Variants in TMEM50A observed in about 807,000 individuals in gnomAD.
The protein encoded by TMEM50A is cervical cancer oncogene 9.
TMEM50A carries 8 observed loss-of-function variants against 23.9 expected under a neutral mutation model. That is an observed-to-expected ratio of 0.33 (90% CI 0.20 to 0.60). The LOEUF (loss-of-function observed/expected upper bound fraction) is 0.60, where lower values mean the gene tolerates loss of function less well. Ranked by LOEUF, TMEM50A falls within the 20% of genes least tolerant of loss-of-function variation. The pLI is 0.81. For missense variants in TMEM50A, 178 were observed against 192.7 expected (o/e 0.92, Z 0.45); for synonymous variants, 55 against 60.4 (o/e 0.91, Z 0.41).
In TMEM50A at chr1:25,352,887, C is replaced by T; in HGVS notation, c.280C>T (p.Arg94Cys). Reference sequence around the variant, plus strand: ...AAAATATTATTTCTTTGAAGGTGCTCGCATTTGGCTTTTCGTTGGTTTCAT... The same window carrying T: ...AAAATATTATTTCTTTGAAGGTGCTTGCATTTGGCTTTTCGTTGGTTTCAT... Reference protein sequence around the residue: ...SEGCLGQTGARIWLFVGFMLA... With the variant: ...SEGCLGQTGACIWLFVGFMLA... Residue 94 changes from arginine to cysteine, a missense_variant, in exon 5 of 7, where the codon CGC (arginine) becomes TGC (cysteine). Physicochemically the swap from Arg to Cys is radical, Grantham distance 180. Coordinates refer to ENST00000374358, the MANE Select transcript of TMEM50A (RefSeq NM_014313.4). 6.2e-7 allele frequency: 1 copy of T among 1,612,432 alleles called. No individual in the cohort carries two copies. The highest frequency in any genetic ancestry group is 2.2e-5 in the East Asian group (1 of 44,784).
At chr1:25,349,981 A>G (rs1645259836) in intron 3 of TMEM50A, among the ~76,000 whole-genome samples, 1 of 152,254 alleles carries the variant, frequency 6.6e-6, no homozygotes, top group South Asian at 2.1e-4. Flanking sequence ...GAATGTTTCA[A>G]AGGATACTTC....
chr1:25,346,883 G>T (rs1645224102), intron 3 of TMEM50A, among the ~76,000 whole-genome samples: 1 of 152,058 alleles, frequency 6.6e-6, no homozygotes, highest in Admixed American at 6.6e-5. Context: ...AGCCGGGCAT[G>T]GTGGTGCATG....
At chr1:25,358,008 C>T (rs555854360) in intron 6 of TMEM50A, among the ~76,000 whole-genome samples, 8 of 144,712 alleles carry the variant, frequency 5.5e-5, no homozygotes, top group African/African-American at 1.1e-4. Context: ...AATGCAGTGG[C>T]GTGATCTTGG....
chr1:25,360,683 G>T lies in TMEM50A; in HGVS notation c.452G>T (p.Arg151Leu). 1.9e-6 allele frequency: 3 copies of T among 1,614,000 alleles called. No homozygotes were observed. In the East Asian group the frequency reaches 6.7e-5, roughly 36 times the overall value. ...FFGGLVFKFG[R>L]TEDLWQ Reference sequence around the variant, plus strand: ...AGAGGGCTGGTTTTTAAGTTTGGCCGCACTGAAGACTTATGGCAGTGAACA... The same window carrying T: ...AGAGGGCTGGTTTTTAAGTTTGGCCTCACTGAAGACTTATGGCAGTGAACA... Residue 151 changes from arginine to leucine, a missense_variant, in exon 7 of 7, where the codon CGC becomes CTC. By Grantham distance (102) the Arg-to-Leu change is moderately radical. Coordinates refer to ENST00000374358, the MANE Select transcript of TMEM50A (RefSeq NM_014313.4).
intron 5 of TMEM50A, 57 bp from the exon 6 acceptor site, chr1:25,356,736 T>G: frequency 1.5e-6 from 2 of 1,313,930 alleles, no homozygotes; most frequent in Non-Finnish European, 2.1e-6. Flanking sequence ...TGCCAATATA[T>G]CTGAAACTAA....
rs182893110 is a variant in TMEM50A at position 25,353,100 on chromosome 1, G to C, written c.367+126G>C. 263 of 696,580 alleles carry C rather than the reference G, an allele frequency of 3.8e-4. No individual in the cohort carries two copies. In the African/African-American group the frequency reaches 4.4e-3, roughly 12 times the overall value. 43.1% of individuals were successfully genotyped at this position (696,580 alleles called of 1,614,324 possible). A position where few individuals can be genotyped will look rare whatever the true frequency, so the allele number is the denominator to read the frequency against. The stretch of plus-strand genomic sequence containing the variant: ...AACTACTAGCGATGCATTTATATCC[G>C]GGACCCCCCACCCTCCACCGACAGT... On this transcript the variant is annotated intron_variant, in intron 5 of 6. Transcript: ENST00000374358.
At chr1:25,360,073 G>A (rs1645380672) in intron 6 of TMEM50A, among the ~76,000 whole-genome samples, 1 of 152,126 alleles carries the variant, frequency 6.6e-6, no homozygotes, top group Non-Finnish European at 1.5e-5. Context: ...TATAGGGCTG[G>A]GCACAGTGGC....
chr1:25,352,470 T>C (rs1645283826), intron 4 of TMEM50A, among the ~76,000 whole-genome samples: 1 of 137,228 alleles, frequency 7.3e-6, no homozygotes, highest in African/African-American at 2.9e-5. Flanking sequence ...CACTCCAGCC[T>C]AGGAGACAGA....
At chr1:25,357,570 G>GT (rs936420378) in intron 6 of TMEM50A, among the ~76,000 whole-genome samples, 5 of 149,508 alleles carry the variant, frequency 3.3e-5, no homozygotes, top group Non-Finnish European at 5.9e-5. Flanking sequence ...TGTTGTGTGT[G>GT]TGTGTGTTGT....
chr1:25,344,384 C>T (rs567995296), intron 3 of TMEM50A, among the ~76,000 whole-genome samples: 1 of 152,208 alleles, frequency 6.6e-6, no homozygotes, highest in Non-Finnish European at 1.5e-5. Context: ...TATTGCAGTG[C>T]CAAATAGTAT....
At chr1:25,348,683 C>A (rs1440767672) in intron 3 of TMEM50A, among the ~76,000 whole-genome samples, 115 of 141,264 alleles carry the variant, frequency 8.1e-4, no homozygotes, top group Admixed American at 1.1e-3. Flanking sequence ...GACTCCATCT[C>A]AAAAAAAAAA....
chr1:25,344,699 GT>G (rs746429886), intron 3 of TMEM50A, among the ~76,000 whole-genome samples: 4 of 148,410 alleles, frequency 2.7e-5, no homozygotes, highest in Non-Finnish European at 6.0e-5. Context: ...GTTTCTGATT[GT>G]TTTTTTTTGT....
rs1303748630 is a variant in TMEM50A at position 25,361,583 on chromosome 1, G to C, written c.*878G>C. 2.0e-5 allele frequency: 3 copies of C among 152,248 alleles called. No individual in the cohort carries two copies. The highest frequency in any genetic ancestry group is 7.2e-5 in the African/African-American group (3 of 41,414). 9.4% of individuals were successfully genotyped at this position (152,248 alleles called of 1,614,324 possible). A position where few individuals can be genotyped will look rare whatever the true frequency, so the allele number is the denominator to read the frequency against. On this transcript the variant is annotated 3_prime_UTR_variant, in exon 7 of 7. Coordinates refer to ENST00000374358, the MANE Select transcript of TMEM50A (RefSeq NM_014313.4). The stretch of plus-strand genomic sequence containing the variant: ...CTAGAATGACAAACATTAGCTACTG[G>C]GAACTCTTGTTGTCTCTTCCTCTTC...
chr1:25,348,274 A>C (rs1318479165), intron 3 of TMEM50A, among the ~76,000 whole-genome samples: 2 of 152,238 alleles, frequency 1.3e-5, no homozygotes, highest in African/African-American at 4.8e-5. Flanking sequence ...GTCAAAAAGC[A>C]GCTATTCTTT....
At chr1:25,357,950 C>CTT (rs71577759) in intron 6 of TMEM50A, among the ~76,000 whole-genome samples, 3 of 125,702 alleles carry the variant, frequency 2.4e-5, no homozygotes, top group Non-Finnish European at 1.7e-5. Flanking sequence ...ATCAGGAGTT[C>CTT]TTTTTTTTTT....
In TMEM50A at chr1:25,362,221, C is replaced by CA; in HGVS notation, c.*1517dup. On this transcript the variant is annotated 3_prime_UTR_variant, in exon 7 of 7. Transcript: ENST00000374358. ...TAACTGAGTAGCATGCTTTATTAAG[C>CA]ATGAGAAAGAATCTTAAGAATTGTC... 3.6e-6 allele frequency: 2 copies of CA among 557,834 alleles called. No homozygotes were observed. Among genetic ancestry groups the CA allele is most frequent in the Middle Eastern group, 5.0e-4 (1 of 2,002 alleles). The allele number at this position is 557,834 out of a possible 1,614,324, so 34.6% of individuals were successfully genotyped here.
chr1:25,360,539 C>A, intron 6 of TMEM50A, 121 bp from the exon 7 acceptor site: 1 of 1,071,282 alleles, frequency 9.3e-7, no homozygotes, highest in African/African-American at 1.6e-5. Flanking sequence ...CATTTCGTAC[C>A]AAAATTTCTT....
intron 3 of TMEM50A, among the ~76,000 whole-genome samples, chr1:25,343,542 C>T (rs1159602147): frequency 6.6e-6 from 1 of 151,926 alleles, no homozygotes; most frequent in Non-Finnish European, 1.5e-5. Context: ...AAAGGGATGT[C>T]AATAGGAGGG....
intron 1 of TMEM50A, among the ~76,000 whole-genome samples, chr1:25,339,447 G>A (rs1645143435): frequency 6.6e-6 from 1 of 152,200 alleles, no homozygotes; most frequent in Non-Finnish European, 1.5e-5. Flanking sequence ...TAAAGTGGAT[G>A]TTCTTTATAT....
Sources: gnomAD v4.1 joint callset for allele counts (sites outside exome capture counted in the v4.1 genomes callset) on GRCh38, gnomAD v4.1.1 for gene constraint, MANE v1.5 for transcripts, NCBI Gene and HGNC (gene_info 2026-07-23, HGNC 2026-07-21) for gene names.